Variants in ACLY observed in about 807,000 individuals in gnomAD.
ACLY encodes the protein ATP citrate lyase.
In ACLY, 41 loss-of-function variants were observed where a neutral mutation model predicts 133.0. The observed-to-expected ratio is 0.31, with a 90% CI of 0.24 to 0.40. ACLY has a LOEUF of 0.40. Ranked by LOEUF, ACLY falls within the 10% of genes least tolerant of loss-of-function variation. The pLI is 1.00. For synonymous variants in ACLY, 495 were observed against 549.3 expected (o/e 0.90, Z 1.38); for missense variants, 1,046 against 1,453.8 (o/e 0.72, Z 4.56).
Position 41,869,518 on chromosome 17 carries a change from G to A in ACLY, c.3007C>T (p.Leu1003=). The A allele has an allele frequency of 6.2e-7, 1 of 1,614,160 alleles. No individual in the cohort carries two copies. The highest frequency in any genetic ancestry group is 8.5e-7 in the Non-Finnish European group (1 of 1,180,036). The change falls in exon 26 of 29, where the codon CTG becomes TTG. Residue 1003 remains leucine, a synonymous_variant. Coordinates refer to ENST00000352035, the MANE Select transcript of ACLY (RefSeq NM_001096.3). The stretch of plus-strand genomic sequence containing the variant: ...TCTACTTCCAGTGCATAATCGAGCA[G>A]AGGAGTGGCAGGGAAGTGCTGCCTG... ...YVRQHFPATP[L]LDYALEVEKI... is the part of the protein sequence containing the mutation.
In ACLY at chr17:41,909,711, A is replaced by G; in HGVS notation, c.346-11T>C. The G allele has an allele frequency of 6.2e-7, 1 of 1,613,474 alleles. No homozygotes were observed. The highest frequency in any genetic ancestry group is 8.5e-7 in the Non-Finnish European group (1 of 1,179,626). On this transcript the variant is annotated splice_polypyrimidine_tract_variant and intron_variant, in intron 4 of 28. Transcript: ENST00000352035. The stretch of plus-strand genomic sequence containing the variant: ...ATAGAACTCCTCAGCCTTGCAGGTG[A>G]AGAGACAGGACAGTGGGATTGGGGT...
chr17:41,910,401 G>T, intron 3 of ACLY, 117 bp from the exon 4 acceptor site: 3 of 843,972 alleles, frequency 3.6e-6, no homozygotes, highest in Non-Finnish European at 5.7e-6. Flanking sequence ...ACCCAGCAAA[G>T]AGAGATTTTT....
At chr17:41,897,727 G>A (rs1404084345) in intron 13 of ACLY, 22 bp downstream of exon 13, 2 of 1,607,426 alleles carry the variant, frequency 1.2e-6, no homozygotes, top group Middle Eastern at 1.7e-4. Context: ...CCTGCAACAT[G>A]CCTGAAGCCT....
At chr17:41,910,350 G>C (rs2049865253) in intron 3 of ACLY, 66 bp from the exon 4 acceptor site, 2 of 1,451,758 alleles carry the variant, frequency 1.4e-6, no homozygotes, top group Non-Finnish European at 1.9e-6. Context: ...GGCAGAAGGA[G>C]GGACTGCACA....
intron 10 of ACLY, among the ~76,000 whole-genome samples, chr17:41,903,525 C>T (rs1286692370): frequency 2.0e-5 from 3 of 151,932 alleles, no homozygotes; most frequent in East Asian, 1.9e-4. Context: ...GAGGCCGAGG[C>T]GGGCAGATCA....
intron 16 of ACLY, among the ~76,000 whole-genome samples, chr17:41,891,357 T>C (rs1399939414): frequency 6.6e-6 from 1 of 152,074 alleles, no homozygotes; most frequent in Non-Finnish European, 1.5e-5. Context: ...ACAGAGAGGA[T>C]ATAGTGGGGG....
chr17:41,888,546 C>A (rs903828205), intron 16 of ACLY, among the ~76,000 whole-genome samples: 18 of 152,230 alleles, frequency 1.2e-4, no homozygotes, highest in Admixed American at 9.2e-4. Flanking sequence ...AATCACTTCT[C>A]TTTGGCTCTA....
chr17:41,896,008 C>T (rs2049355556), intron 14 of ACLY, among the ~76,000 whole-genome samples: 1 of 152,126 alleles, frequency 6.6e-6, no homozygotes, highest in Non-Finnish European at 1.5e-5. Flanking sequence ...TTCCAATTAC[C>T]CAGTCACTAG....
chr17:41,918,858 G>A (rs1354820986), intron 1 of ACLY, 22 bp downstream of exon 1: 2 of 1,287,002 alleles, frequency 1.6e-6, no homozygotes, highest in African/African-American at 3.1e-5. Context: ...TCCAGCCAGC[G>A]AAAACAGCCT....
chr17:41,885,390 G>A (rs976074636), intron 18 of ACLY, among the ~76,000 whole-genome samples: 39 of 152,246 alleles, frequency 2.6e-4, no homozygotes, highest in African/African-American at 8.2e-4. Flanking sequence ...CGAACAAGGT[G>A]ACTCTATCTC....
At chr17:41,878,770 C>T (rs782585509) in intron 21 of ACLY, 27 bp downstream of exon 21, 8 of 1,612,294 alleles carry the variant, frequency 5.0e-6, no homozygotes, top group Non-Finnish European at 5.9e-6. Context: ...GAGGGGGAGG[C>T]CGGCATCCTC....
Position 41,867,713 on chromosome 17 carries a change from G to T in ACLY, c.*97C>A. 4.1e-6 allele frequency: 4 copies of T among 969,284 alleles called. No homozygotes were observed. The highest frequency in any genetic ancestry group is 1.7e-5 in the South Asian group (1 of 57,336). The allele number at this position is 969,284 out of a possible 1,614,324, so 60.0% of individuals were successfully genotyped here. A position where few individuals can be genotyped will look rare whatever the true frequency, so the allele number is the denominator to read the frequency against. On this transcript the variant is annotated 3_prime_UTR_variant, in exon 29 of 29. Coordinates refer to ENST00000352035, the MANE Select transcript of ACLY (RefSeq NM_001096.3). ...GTGGCTGTTTACATTCCAGGCCCCT[G>T]CTAAATAAAGCAGGCTCCACTGCCA...
intron 11 of ACLY, among the ~76,000 whole-genome samples, chr17:41,899,144 C>T (rs937437972): frequency 4.6e-5 from 7 of 152,002 alleles, no homozygotes; most frequent in South Asian, 2.1e-4. Flanking sequence ...GGCGTGGTGG[C>T]GTGTGCCTGT....
rs143803933 is a variant in ACLY, at chr17:41,886,132, G to A, written c.2052C>T (p.Gly684=). Reference sequence around the variant, plus strand: ...ATTACCTGTCCCCACCAATGGCCACGCCCTCATAGACGCCATCCGTGGTCC... The same window carrying A: ...ATTACCTGTCCCCACCAATGGCCACACCCTCATAGACGCCATCCGTGGTCC... The part of the protein sequence containing the change: ...ISRTTDGVYE[G]VAIGGDRYPG... The change falls in exon 18 of 29, where the codon GGC becomes GGT. Residue 684 remains glycine, a synonymous_variant. Transcript: ENST00000352035. The A allele has an allele frequency of 5.3e-5, 85 of 1,613,922 alleles. No homozygotes were observed. The highest frequency in any genetic ancestry group is 6.9e-5 in the Non-Finnish European group (82 of 1,179,888).
chr17:41,925,663 G>A (rs2050234971), intron 1 of ACLY, among the ~76,000 whole-genome samples: 1 of 151,978 alleles, frequency 6.6e-6, no homozygotes, highest in African/African-American at 2.4e-5. Context: ...GAAGGAAGTG[G>A]GGGAGGGGAG....
At chr17:41,902,946 C>A (rs550742428) in intron 10 of ACLY, among the ~76,000 whole-genome samples, 2 of 152,230 alleles carry the variant, frequency 1.3e-5, no homozygotes, top group East Asian at 3.9e-4. Context: ...CCTAGCTCAA[C>A]CCACTAATTT....
At chr17:41,903,624 C>T (rs1227739372) in intron 10 of ACLY, among the ~76,000 whole-genome samples, 6 of 151,542 alleles carry the variant, frequency 4.0e-5, no homozygotes, top group East Asian at 3.9e-4. Flanking sequence ...GGTGTGGTGG[C>T]GGGCACCTGT....
chr17:41,900,728 AAATAAT>A (rs1283391553), intron 11 of ACLY, among the ~76,000 whole-genome samples: 1 of 151,886 alleles, frequency 6.6e-6, no homozygotes, highest in East Asian at 1.9e-4. Context: ...CTGTCTCAAA[AAATAAT>A]AATAATAATA....
intron 7 of ACLY, among the ~76,000 whole-genome samples, chr17:41,907,225 TGA>T (rs1259766400): frequency 7.9e-5 from 12 of 152,126 alleles, no homozygotes; most frequent in Non-Finnish European, 1.5e-4. Context: ...GGAGGCTGAT[TGA>T]GAGAGAAATC....
Sources: allele counts gnomAD v4.1 joint callset (sites outside exome capture counted in the v4.1 genomes callset), GRCh38; gene constraint gnomAD v4.1.1; transcripts MANE v1.5; gene names NCBI Gene and HGNC (gene_info 2026-07-23, HGNC 2026-07-21).